ITGA11: variants seen among roughly 807,000 people sequenced by gnomAD.
ITGA11 encodes integrin subunit alpha 11, also known as integrin alpha-11.
Under a neutral mutation model 141.9 loss-of-function variants are expected in ITGA11, and 97 were observed. The ratio of observed to expected loss-of-function variants is 0.68; its 90% CI spans 0.58 to 0.81. The LOEUF (loss-of-function observed/expected upper bound fraction) is 0.81, where lower values mean the gene tolerates loss of function less well. ITGA11 is among the 30% of genes least tolerant of loss of function. The pLI, the probability that ITGA11 is intolerant of heterozygous loss-of-function variation, is 0.00. For missense variants in ITGA11, 1,387 were observed against 1,559.2 expected (o/e 0.89, Z 1.86); for synonymous variants, 658 against 624.6 (o/e 1.05, Z -0.80).
chr15:68,411,674 A>G (rs996055245), intron 1 of ITGA11, among the ~76,000 whole-genome samples: 6 of 152,190 alleles, frequency 3.9e-5, no homozygotes, highest in Admixed American at 1.3e-4. Context: ...ATCAGTCTCA[A>G]TTCTTCACTT....
In ITGA11 at chr15:68,333,005, G is replaced by A. The variant is rs1221800569; in HGVS notation, c.1426-527C>T. On this transcript the variant is annotated intron_variant, in intron 12 of 29. Coordinates refer to ENST00000315757, the MANE Select transcript of ITGA11 (RefSeq NM_001004439.2). The surrounding 1 kb of genome is among the most constrained non-coding windows in gnomAD (Gnocchi z 4.2). ...TACATCATGAACATTTTTCTATGAT[G>A]TATTATATTTTCATCTACAACATAA... 6.6e-6 allele frequency among the ~76,000 whole-genome samples: 1 copy of A among 151,996 alleles called. No individual in the cohort carries two copies. Among genetic ancestry groups the A allele is most frequent in the African/African-American group, 2.4e-5 (1 of 41,364 alleles).
intron 7 of ITGA11, among the ~76,000 whole-genome samples, chr15:68,352,190 G>GTA (rs1167216700): frequency 1.7e-4 from 23 of 138,412 alleles, no homozygotes; most frequent in African/African-American, 5.2e-4. Context: ...CTGGATATTA[G>GTA]TTTTTTTTTT....
At chr15:68,385,489 T>C (rs774269139) in intron 2 of ITGA11, among the ~76,000 whole-genome samples, 3 of 152,262 alleles carry the variant, frequency 2.0e-5, no homozygotes. Context: ...AATTCCACCA[T>C]AGTTGGCCTC....
At position 68,313,775 on chromosome 15, in the gene ITGA11, C is replaced by A; in HGVS notation, c.2882+4G>T. 3.7e-6 allele frequency: 6 copies of A among 1,613,498 alleles called. No individual in the cohort carries two copies. Among genetic ancestry groups the A allele is most frequent in the Non-Finnish European group, 5.1e-6 (6 of 1,179,610 alleles). ...TCTCCTGGGGCCCCCGGAGCCCGGC[C>A]CACCTGGTGAAGAGGACGTCAGCCT... On this transcript the variant is annotated splice_donor_region_variant and intron_variant, in intron 23 of 29. Coordinates refer to ENST00000315757, the MANE Select transcript of ITGA11 (RefSeq NM_001004439.2).
At chr15:68,387,467 A>G (rs1436436985) in intron 2 of ITGA11, among the ~76,000 whole-genome samples, 1 of 152,182 alleles carries the variant, frequency 6.6e-6, no homozygotes, top group Non-Finnish European at 1.5e-5. Flanking sequence ...GACCTACTGA[A>G]TCAGAAACTC....
intron 5 of ITGA11, among the ~76,000 whole-genome samples, chr15:68,360,434 C>T (rs1895202896): frequency 6.6e-6 from 1 of 152,152 alleles, no homozygotes; most frequent in Admixed American, 6.5e-5. Flanking sequence ...GCTACGGTTC[C>T]TAAACATGGC....
At chr15:68,329,449 G>C (rs1291696901) in intron 15 of ITGA11, among the ~76,000 whole-genome samples, 2 of 152,184 alleles carry the variant, frequency 1.3e-5, no homozygotes, top group African/African-American at 2.4e-5. Context: ...AGAACTATGG[G>C]GCTTGACCAT....
At chr15:68,351,216 T>C in intron 8 of ITGA11, 42 bp downstream of exon 8, 1 of 1,609,006 alleles carries the variant, frequency 6.2e-7, no homozygotes, top group Non-Finnish European at 8.5e-7. Flanking sequence ...TGGTAAAGCC[T>C]CTCAGAGGCC....
At chr15:68,393,590 G>T (rs188207449) in intron 2 of ITGA11, among the ~76,000 whole-genome samples, 13 of 152,230 alleles carry the variant, frequency 8.5e-5, no homozygotes, top group Admixed American at 5.9e-4. Context: ...AGAAAAACTA[G>T]ATAAGAAATA....
intron 1 of ITGA11, among the ~76,000 whole-genome samples, chr15:68,413,409 C>T (rs1323178423): frequency 6.6e-6 from 1 of 152,142 alleles, no homozygotes; most frequent in Admixed American, 6.5e-5. Flanking sequence ...GCTCCAGGTT[C>T]CATGGTAGGA....
At chr15:68,348,925 T>C (rs1172110964) in intron 9 of ITGA11, 25 bp from the exon 10 acceptor site, 1 of 1,585,476 alleles carries the variant, frequency 6.3e-7, no homozygotes, top group Non-Finnish European at 8.6e-7. Flanking sequence ...CAGAGAGATG[T>C]CAGCTCCATG....
At position 68,326,928 on chromosome 15, in the gene ITGA11, G is replaced by C; in HGVS notation, c.2069-132C>G. The stretch of plus-strand genomic sequence containing the variant: ...CTTTCCTCTCACGAGCCCCAGTGTG[G>C]GTGAGAAACTCCCACATGGAGAGCA... On this transcript the variant is annotated intron_variant, in intron 16 of 29. Transcript: ENST00000315757. The surrounding 1 kb of genome is among the most constrained non-coding windows in gnomAD (Gnocchi z 6.8). 1 of 941,662 alleles carries C rather than the reference G, an allele frequency of 1.1e-6. No homozygotes were observed. Among genetic ancestry groups the C allele is most frequent in the Non-Finnish European group, 1.5e-6 (1 of 646,660 alleles). The allele number at this position is 941,662 out of a possible 1,614,324, so 58.3% of individuals were successfully genotyped here.
At chr15:68,420,896 G>A (rs1897002114) in intron 1 of ITGA11, among the ~76,000 whole-genome samples, 2 of 152,238 alleles carry the variant, frequency 1.3e-5, no homozygotes, top group South Asian at 4.1e-4. Context: ...AAGCAGGGAA[G>A]GGGGATAGGA....
At chr15:68,348,103 T>C (rs886743343) in intron 10 of ITGA11, among the ~76,000 whole-genome samples, 1 of 152,094 alleles carries the variant, frequency 6.6e-6, no homozygotes, top group Non-Finnish European at 1.5e-5. Context: ...GACTCTTCTG[T>C]CCCCCTTGCA....
Position 68,325,013 on chromosome 15 carries a change from G to T in ITGA11, c.2322+118C>A. The T allele has an allele frequency of 1.3e-6, 1 of 747,502 alleles. No individual in the cohort carries two copies. Among genetic ancestry groups the T allele is most frequent in the Non-Finnish European group, 2.4e-6 (1 of 422,164 alleles). 46.3% of individuals were successfully genotyped at this position (747,502 alleles called of 1,614,324 possible). On this transcript the variant is annotated intron_variant, in intron 18 of 29. Transcript: ENST00000315757. The surrounding 1 kb of genome is among the most constrained non-coding windows in gnomAD (Gnocchi z 5.5). ...GGTTTGCCAGGACAGGAGGTGGGAA[G>T]GTGAGATGAGGGATGGTGTCCTCTG...
intron 1 of ITGA11, among the ~76,000 whole-genome samples, chr15:68,418,060 T>C (rs1896927956): frequency 6.6e-6 from 1 of 152,198 alleles, no homozygotes; most frequent in South Asian, 2.1e-4. Context: ...CATTCAGTGA[T>C]GTCATGTTGG....
intron 1 of ITGA11, among the ~76,000 whole-genome samples, chr15:68,415,645 A>G (rs1896870904): frequency 6.6e-6 from 1 of 152,160 alleles, no homozygotes; most frequent in African/African-American, 2.4e-5. Flanking sequence ...CTGCAGCCAC[A>G]GTGTCCACCT....
rs2140253169 is a variant in ITGA11, at chr15:68,300,303, C to T, written c.*2756G>A. The T allele has an allele frequency of 6.6e-6, 1 of 152,320 alleles. No homozygotes were observed. Among genetic ancestry groups the T allele is most frequent in the South Asian group, 2.1e-4 (1 of 4,828 alleles). The allele number at this position is 152,320 out of a possible 1,614,324, so 9.4% of individuals were successfully genotyped here. A position where few individuals can be genotyped will look rare whatever the true frequency, so the allele number is the denominator to read the frequency against. On this transcript the variant is annotated 3_prime_UTR_variant, in exon 30 of 30. Transcript: ENST00000315757. ...GCACAGTGGGCTTGGGCACAACCCC[C>T]TCTTTCTTCATCTTACAGCCTGGAT... is the stretch of plus-strand genomic sequence containing the variant.
intron 2 of ITGA11, among the ~76,000 whole-genome samples, chr15:68,376,611 C>T (rs529810787): frequency 6.6e-6 from 1 of 152,362 alleles, no homozygotes; most frequent in South Asian, 2.1e-4. Flanking sequence ...TAGGCTGCAG[C>T]TTGGGACCAC....
Sources: gnomAD v4.1 joint callset for allele counts (sites outside exome capture counted in the v4.1 genomes callset) on GRCh38, gnomAD v4.1.1 for gene constraint, Gnocchi (gnomAD v3.1) non-coding constraint, MANE v1.5 for transcripts, NCBI Gene and HGNC (gene_info 2026-07-23, HGNC 2026-07-21) for gene names.